Variants in PCDHA2 observed in about 807,000 individuals in gnomAD.
PCDHA2 encodes the protein protocadherin alpha 2.
A neutral mutation model predicts 66.0 loss-of-function variants in PCDHA2; 58 were observed. The observed-to-expected ratio is 0.88, with a 90% CI of 0.71 to 1.09. The LOEUF (loss-of-function observed/expected upper bound fraction) is 1.09. PCDHA2 is among the 50% of genes least tolerant of loss of function. The probability of loss-of-function intolerance (pLI) is 0.00; values close to 1 mark genes in which losing one functional copy is unlikely to be tolerated. For synonymous variants in PCDHA2, 634 were observed against 554.0 expected, an observed-to-expected ratio of 1.14 and a Z score of -2.03; for missense variants, 1,267 against 1,242.3, an observed-to-expected ratio of 1.02 and a Z score of -0.30.
intron 1 of PCDHA2, chr5:140,834,482 C>T (rs2150219346): frequency 5.0e-6 from 8 of 1,614,172 alleles, no homozygotes; most frequent in South Asian, 1.1e-5. Context: ...AGCTCCACTA[C>T]TCGGTCCCCG....
intron 3 of PCDHA2, among the ~76,000 whole-genome samples, chr5:141,005,634 G>A (rs782404455): frequency 4.8e-5 from 7 of 146,670 alleles, no homozygotes; most frequent in Middle Eastern, 3.6e-3. Flanking sequence ...CCCGGGAGGC[G>A]GAGCTTGCAG....
chr5:140,881,886 C>G (rs2058857922), intron 1 of PCDHA2, among the ~76,000 whole-genome samples: 1 of 152,170 alleles, frequency 6.6e-6, no homozygotes, highest in African/African-American at 2.4e-5. Flanking sequence ...AACTCATCAA[C>G]CAATTGTCAG....
chr5:140,929,302 G>T, intron 1 of PCDHA2: 1 of 1,587,714 alleles, frequency 6.3e-7, no homozygotes, highest in Admixed American at 1.7e-5. Flanking sequence ...TAGGAAAGGG[G>T]ATCACGCTAA....
rs546596358 is a variant in PCDHA2, at chr5:140,863,481, A to G, written c.2388+66129A>G. The G allele has an allele frequency of 1.2e-4, 54 of 468,998 alleles. No homozygotes were observed. The Middle Eastern group carries it at 1.4e-3, about 12-fold the overall frequency. The allele number at this position is 468,998 out of a possible 1,614,324, so 29.1% of individuals were successfully genotyped here. Reference sequence around the variant, plus strand: ...ATTTTACTCTGGAGAGTCGCCTCCCAAGGTCAACATTACGGCTTTTAGTCC... The same window carrying G: ...ATTTTACTCTGGAGAGTCGCCTCCCGAGGTCAACATTACGGCTTTTAGTCC... On this transcript the variant is annotated intron_variant, in intron 1 of 3. Coordinates refer to ENST00000526136, the MANE Select transcript of PCDHA2 (RefSeq NM_018905.3).
intron 3 of PCDHA2, among the ~76,000 whole-genome samples, chr5:140,985,957 T>A (rs2097180705): frequency 6.6e-6 from 1 of 152,084 alleles, no homozygotes. Context: ...GCCAGGATGG[T>A]CTCAATCTCC....
intron 1 of PCDHA2, chr5:140,814,987 G>A (rs1462134878): frequency 6.6e-6 from 1 of 152,030 alleles, no homozygotes; most frequent in Non-Finnish European, 1.5e-5. Flanking sequence ...ACTATTTTGT[G>A]TGATGTAGCT....
chr5:140,967,976 C>T (rs2096205972), intron 1 of PCDHA2: 3 of 1,614,222 alleles, frequency 1.9e-6, no homozygotes, highest in Non-Finnish European at 2.5e-6. Context: ...GAGCCTGGGT[C>T]TGGAGGCCAC....
rs1554120103 is a variant in PCDHA2, at chr5:140,796,776, C to T, written c.1812C>T (p.Asn604=). ...VRAVDADSGY[N]AWLSYELQLG... ...CAGTGGACGCTGACTCAGGCTACAA[C>T]GCGTGGCTTTCGTACGAGCTTCAGC... The change falls in exon 1 of 4, where the codon AAC becomes AAT. Residue 604 remains asparagine (N), a synonymous_variant. Coordinates refer to ENST00000526136, the MANE Select transcript of PCDHA2 (RefSeq NM_018905.3). 1 of 1,614,144 alleles carries T rather than the reference C, an allele frequency of 6.2e-7. No individual in the cohort carries two copies. The highest frequency in any genetic ancestry group is 8.5e-7 in the Non-Finnish European group (1 of 1,179,982).
At chr5:141,005,436 G>T (rs1554260042) in intron 3 of PCDHA2, among the ~76,000 whole-genome samples, 2 of 152,080 alleles carry the variant, frequency 1.3e-5, no homozygotes, top group East Asian at 1.9e-4. Flanking sequence ...TGGATGAGAG[G>T]CTCACGCCTG....
At chr5:140,871,418 G>A in intron 1 of PCDHA2, 4 of 1,613,874 alleles carry the variant, frequency 2.5e-6, no homozygotes, top group Admixed American at 1.7e-5. Context: ...ATGGCCTTCA[G>A]CCCCAGTCTT....
At chr5:140,822,177 A>G (rs2150114373) in intron 1 of PCDHA2, 1 of 1,614,280 alleles carries the variant, frequency 6.2e-7, no homozygotes, top group East Asian at 2.2e-5. Flanking sequence ...GGTTCTCCAG[A>G]CAAGAACAAA....
intron 1 of PCDHA2, chr5:140,870,730 C>T: frequency 1.4e-5 from 23 of 1,613,398 alleles, no homozygotes; most frequent in Non-Finnish European, 1.9e-5. Context: ...GGGCGTGCCG[C>T]CTCTGAGCAG....
intron 1 of PCDHA2, chr5:140,868,546 A>T (rs1356639258): frequency 1.3e-5 from 2 of 152,640 alleles, no homozygotes; most frequent in African/African-American, 2.4e-5. Context: ...TTCAAATTTG[A>T]TAGTATTTTT....
intron 1 of PCDHA2, chr5:140,877,048 G>C (rs376952553): frequency 1.2e-5 from 19 of 1,612,558 alleles, no homozygotes; most frequent in African/African-American, 2.7e-5. Flanking sequence ...GCTAGACCAC[G>C]AGGAGCTGGA....
intron 1 of PCDHA2, among the ~76,000 whole-genome samples, chr5:140,965,094 A>G (rs1289535686): frequency 6.6e-6 from 1 of 152,236 alleles, no homozygotes; most frequent in Non-Finnish European, 1.5e-5. Context: ...TCCAGTCCAT[A>G]GCTAGAAAAT....
At chr5:140,935,245 T>A (rs1409133658) in intron 1 of PCDHA2, among the ~76,000 whole-genome samples, 1 of 152,200 alleles carries the variant, frequency 6.6e-6, no homozygotes, top group Non-Finnish European at 1.5e-5. Flanking sequence ...TTTTAAAAGA[T>A]AAAATACATC....
Position 140,843,022 on chromosome 5 carries a change from G to A in PCDHA2, c.2388+45670G>A, listed in dbSNP as rs1554139645. On this transcript the variant is annotated intron_variant, in intron 1 of 3. Transcript: ENST00000526136. Reference sequence around the variant, plus strand: ...ATGACAACGCGCCGGCACTGCTGGAGCCTCGGGTGGGTGGCACTGGTGGCG... The same window carrying A: ...ATGACAACGCGCCGGCACTGCTGGAACCTCGGGTGGGTGGCACTGGTGGCG... 15 of 1,595,022 alleles carry A rather than the reference G, an allele frequency of 9.4e-6. 1 individual carries two copies. The highest frequency in any genetic ancestry group is 1.2e-5 in the Non-Finnish European group (14 of 1,165,456).
intron 1 of PCDHA2, chr5:140,966,905 T>C (rs1554228876): frequency 1.9e-6 from 3 of 1,600,790 alleles, no homozygotes; most frequent in Non-Finnish European, 2.5e-6. Flanking sequence ...GCTGCGATAC[T>C]CTGTGCCAGA....
chr5:140,849,790 C>A (rs2150450402), intron 1 of PCDHA2: 2 of 1,598,236 alleles, frequency 1.3e-6, no homozygotes, highest in Admixed American at 3.4e-5. Context: ...GACGGGGGCT[C>A]GCCTTCACTG....
Sources: allele counts gnomAD v4.1 joint callset (sites outside exome capture counted in the v4.1 genomes callset), GRCh38; gene constraint gnomAD v4.1.1; transcripts MANE v1.5; gene names NCBI Gene and HGNC (gene_info 2026-07-23, HGNC 2026-07-21).